SLC24A2: variants seen among roughly 807,000 people sequenced by gnomAD.
SLC24A2 encodes the protein sodium/potassium/calcium exchanger 2.
In SLC24A2, 36 loss-of-function variants were observed where a neutral mutation model predicts 62.0. The observed-to-expected ratio is 0.58, with a 90% CI of 0.44 to 0.77. The LOEUF is 0.77. Among genes scored for constraint, SLC24A2 ranks in the 30% least tolerant of loss-of-function variants. SLC24A2 has a pLI of 0.00. For missense variants in SLC24A2, 846 were observed against 817.9 expected, an observed-to-expected ratio of 1.03 and a Z score of -0.42; for synonymous variants, 358 against 294.0, an observed-to-expected ratio of 1.22 and a Z score of -2.23.
At chr9:20,271,085 C>T in the SLC24A2 span, among the ~76,000 whole-genome samples, 3 of 152,296 alleles carry the variant, frequency 2.0e-5, no homozygotes, top group Non-Finnish European at 2.9e-5. Context: ...ATCTTACTCT[C>T]GCTTTAAGGT....
the SLC24A2 span, among the ~76,000 whole-genome samples, chr9:19,910,452 T>C: frequency 6.6e-6 from 1 of 152,170 alleles, no homozygotes; most frequent in Non-Finnish European, 1.5e-5. Context: ...ACTGAGGCTA[T>C]AGAGTTCACC....
At chr9:19,576,874 C>G in intron 6 of SLC24A2, 50 bp downstream of exon 6, 1 of 1,396,418 alleles carries the variant, frequency 7.2e-7, no homozygotes, top group Non-Finnish European at 1.0e-6. Context: ...CTCTCTGCTC[C>G]CCTCGCTTCC....
chr9:19,565,766 A>T (rs146675805), intron 7 of SLC24A2, among the ~76,000 whole-genome samples: 1 of 152,090 alleles, frequency 6.6e-6, no homozygotes. Flanking sequence ...CCAAAACAGA[A>T]ATATAGACCA....
upstream of SLC24A2, among the ~76,000 whole-genome samples, chr9:19,789,537 G>A (rs1306922156): frequency 6.6e-6 from 1 of 152,184 alleles, no homozygotes; most frequent in Non-Finnish European, 1.5e-5. Flanking sequence ...AGTCTTGCAG[G>A]GTGACCTTTC....
chr9:19,599,933 T>C lies in SLC24A2; in HGVS notation c.1079-2654A>G, dbSNP rs1244332136. Among the ~76,000 whole-genome samples, 1 of 152,158 alleles carries C rather than the reference T, an allele frequency of 6.6e-6. No individual in the cohort carries two copies. Among genetic ancestry groups the C allele is most frequent in the African/African-American group, 2.4e-5 (1 of 41,436 alleles). On this transcript the variant is annotated intron_variant, in intron 4 of 10. Coordinates refer to ENST00000341998, the MANE Select transcript of SLC24A2 (RefSeq NM_020344.4). This position sits in a 1 kb window ranked among gnomAD's most constrained non-coding sequence, Gnocchi z 4.5. ...ATAACTAAGGCACTTTGAACATAAT[T>C]GGATTAGGATTCAAACTGGGGCTAA...
the SLC24A2 span, among the ~76,000 whole-genome samples, chr9:20,163,873 C>A: frequency 4.6e-5 from 7 of 152,088 alleles, no homozygotes; most frequent in Admixed American, 1.3e-4. Context: ...CAAAAACAAG[C>A]AATGGGGAAA....
chr9:20,294,373 A>G, the SLC24A2 span, among the ~76,000 whole-genome samples: 11 of 152,310 alleles, frequency 7.2e-5, 1 homozygote, highest in East Asian at 2.1e-3. Context: ...ATTATTTCAA[A>G]GGGGCTGATT....
chr9:20,080,040 G>C, the SLC24A2 span, among the ~76,000 whole-genome samples: 4 of 152,132 alleles, frequency 2.6e-5, no homozygotes, highest in Admixed American at 2.0e-4. Context: ...TTGTGAAAAT[G>C]GCCATACTGC....
At chr9:20,225,124 C>T in the SLC24A2 span, among the ~76,000 whole-genome samples, 1 of 152,124 alleles carries the variant, frequency 6.6e-6, no homozygotes, top group Non-Finnish European at 1.5e-5. Context: ...AAGTCTGTCT[C>T]AGGCTTTGCT....
In SLC24A2 at chr9:19,622,264, T is replaced by C. The variant is rs138091833; in HGVS notation, c.966A>G (p.Leu322=). Reference sequence around the variant, plus strand: ...AGACAAAGCCACTGCTTCCTACCGGTAGAGTTGGTTCATCCTTGTCCCTGG... The same window carrying C: ...AGACAAAGCCACTGCTTCCTACCGGCAGAGTTGGTTCATCCTTGTCCCTGG... ...SAARDKDEPT[L]PAKPRLQRGG... Residue 322 remains leucine (L), a synonymous_variant, in exon 3 of 11, where the codon CTA becomes CTG. Transcript: ENST00000341998. 593 of 1,613,166 alleles carry C rather than the reference T, an allele frequency of 3.7e-4. No individual in the cohort carries two copies. The highest frequency in any genetic ancestry group is 1.0e-3 in the Admixed American group (62 of 59,950).
At chr9:20,045,419 CTTA>C in the SLC24A2 span, among the ~76,000 whole-genome samples, 1 of 151,588 alleles carries the variant, frequency 6.6e-6, no homozygotes, top group Admixed American at 6.6e-5. Context: ...AAAGGAACAC[CTTA>C]TTATTATTAT....
At chr9:20,162,917 A>G in the SLC24A2 span, among the ~76,000 whole-genome samples, 2 of 152,282 alleles carry the variant, frequency 1.3e-5, no homozygotes, top group South Asian at 4.1e-4. Flanking sequence ...AAGGCCTTTG[A>G]TAAAATTTAA....
At chr9:19,821,445 A>G in the SLC24A2 span, among the ~76,000 whole-genome samples, 1 of 152,134 alleles carries the variant, frequency 6.6e-6, no homozygotes, top group Non-Finnish European at 1.5e-5. Flanking sequence ...AAAAGAATCT[A>G]TTAAGAATGT....
the SLC24A2 span, among the ~76,000 whole-genome samples, chr9:19,813,255 A>G: frequency 6.6e-6 from 1 of 151,720 alleles, no homozygotes; most frequent in African/African-American, 2.4e-5. Context: ...AGAATGGGCA[A>G]ATACCCTCAG....
At chr9:20,065,457 GGAGA>G in the SLC24A2 span, among the ~76,000 whole-genome samples, 9 of 152,276 alleles carry the variant, frequency 5.9e-5, no homozygotes, top group Non-Finnish European at 8.8e-5. Context: ...ACAGAGGAAT[GGAGA>G]GAGAAAGGGG....
At chr9:20,196,031 GAATAT>G in the SLC24A2 span, among the ~76,000 whole-genome samples, 1 of 152,092 alleles carries the variant, frequency 6.6e-6, no homozygotes, top group Admixed American at 6.5e-5. Context: ...AGCATTAAGC[GAATAT>G]AATATAAATA....
the SLC24A2 span, among the ~76,000 whole-genome samples, chr9:20,249,413 T>G: frequency 3.3e-5 from 5 of 152,118 alleles, no homozygotes; most frequent in Non-Finnish European, 7.4e-5. Context: ...TTAAATGAGA[T>G]AGTCCATCTG....
At chr9:19,974,554 T>G in the SLC24A2 span, among the ~76,000 whole-genome samples, 3 of 152,214 alleles carry the variant, frequency 2.0e-5, no homozygotes, top group East Asian at 5.8e-4. Flanking sequence ...AATTGATTTT[T>G]CCTTGCAACA....
intron 8 of SLC24A2, among the ~76,000 whole-genome samples, chr9:19,544,345 T>C (rs1440004650): frequency 1.3e-5 from 2 of 151,314 alleles, no homozygotes; most frequent in Non-Finnish European, 2.9e-5. Flanking sequence ...GAGGTGGGTC[T>C]CCTGAATACA....
Sources: allele counts gnomAD v4.1 joint callset (sites outside exome capture counted in the v4.1 genomes callset), GRCh38; gene constraint gnomAD v4.1.1; non-coding constraint Gnocchi (gnomAD v3.1); transcripts MANE v1.5; gene names NCBI Gene and HGNC (gene_info 2026-07-23, HGNC 2026-07-21).